The following CHSY3 variants were observed in gnomAD, a reference collection of about 807,000 sequenced individuals.
CHSY3 encodes the protein N-acetylgalactosaminyl-proteoglycan 3-beta-glucuronosyltransferase 3.
Under a neutral mutation model 67.2 loss-of-function variants are expected in CHSY3, and 35 were observed. The observed-to-expected ratio is 0.52, with a 90% CI of 0.40 to 0.69. The LOEUF (loss-of-function observed/expected upper bound fraction) is 0.69. CHSY3 is among the 30% of genes least tolerant of loss of function. The probability of loss-of-function intolerance (pLI) is 0.00; values close to 1 mark genes in which losing one functional copy is unlikely to be tolerated. For missense variants in CHSY3, 1,069 were observed against 1,138.5 expected (o/e 0.94, Z 0.88); for synonymous variants, 474 against 434.7 (o/e 1.09, Z -1.12).
intron 2 of CHSY3, among the ~76,000 whole-genome samples, chr5:129,949,070 A>G (rs1480321411): frequency 6.6e-6 from 1 of 152,198 alleles, no homozygotes; most frequent in African/African-American, 2.4e-5. Flanking sequence ...TGATAAAAGG[A>G]CTAGTCCAAC....
At chr5:130,134,550 T>G (rs1397409752) in intron 2 of CHSY3, among the ~76,000 whole-genome samples, 1 of 152,180 alleles carries the variant, frequency 6.6e-6, no homozygotes, top group East Asian at 1.9e-4. Context: ...AGGGACTTTA[T>G]CTCTTGAGAG....
intron 2 of CHSY3, among the ~76,000 whole-genome samples, chr5:130,181,886 G>C (rs888722014): frequency 4.6e-5 from 7 of 151,974 alleles, no homozygotes; most frequent in African/African-American, 1.7e-4. Context: ...TTCATTACAT[G>C]AATATACTAC....
At chr5:130,096,536 CAG>C (rs1767053920) in intron 2 of CHSY3, among the ~76,000 whole-genome samples, 1 of 152,124 alleles carries the variant, frequency 6.6e-6, no homozygotes, top group Admixed American at 6.5e-5. Flanking sequence ...AACATGTTAA[CAG>C]AGGGGAAGCT....
rs189493178 is a variant in CHSY3, at chr5:129,989,291, C to T, written c.1086+80931C>T. 1.7e-3 allele frequency among the ~76,000 whole-genome samples: 232 copies of T among 133,530 alleles called. 2 individuals carry two copies. In the East Asian group the frequency reaches 0.046, roughly 27 times the overall value. 87.6% of individuals were successfully genotyped at this position (133,530 alleles called of 152,430 possible). On this transcript the variant is annotated intron_variant, in intron 2 of 2. Coordinates refer to ENST00000305031, the MANE Select transcript of CHSY3 (RefSeq NM_175856.5). ...TTTTTTTTTTTTTGAGACAGAGTTT[C>T]GCTCTTGTTGCCCAGGCTGGAGTGC...
chr5:129,972,932 C>G (rs1050355689), intron 2 of CHSY3, among the ~76,000 whole-genome samples: 1 of 151,942 alleles, frequency 6.6e-6, no homozygotes, highest in African/African-American at 2.4e-5. Context: ...ACTGCCCTGT[C>G]CCTTCTTACT....
chr5:130,119,410 T>C lies in CHSY3; in HGVS notation c.1087-64819T>C, dbSNP rs143489920. Among the ~76,000 whole-genome samples, 632 of 152,284 alleles carry C rather than the reference T, an allele frequency of 4.2e-3. 7 individuals are homozygous for C. The highest frequency in any genetic ancestry group is 0.035 in the South Asian group (171 of 4,830). On this transcript the variant is annotated intron_variant, in intron 2 of 2. Transcript: ENST00000305031. ...CTGCTTGAGGAAGATAGAGATGTGC[T>C]AAACATCCTAACTGTTTCTTTGTAT... is the stretch of plus-strand genomic sequence containing the variant.
intron 2 of CHSY3, among the ~76,000 whole-genome samples, chr5:130,144,411 G>T (rs1003814626): frequency 6.6e-6 from 1 of 151,942 alleles, no homozygotes; most frequent in African/African-American, 2.4e-5. Flanking sequence ...ATTTACAATA[G>T]CTGCATAAAA....
chr5:129,977,665 T>C (rs1431156535), intron 2 of CHSY3, among the ~76,000 whole-genome samples: 2 of 152,284 alleles, frequency 1.3e-5, no homozygotes, highest in African/African-American at 2.4e-5. Context: ...AATTAAATAG[T>C]CTTTTATTTA....
intron 2 of CHSY3, among the ~76,000 whole-genome samples, chr5:129,991,888 A>G (rs1404983579): frequency 1.3e-5 from 2 of 152,138 alleles, no homozygotes; most frequent in Non-Finnish European, 2.9e-5. Context: ...AGGGAACATG[A>G]AGTTGCTTCT....
intron 2 of CHSY3, among the ~76,000 whole-genome samples, chr5:129,972,738 T>C (rs537605533): frequency 6.6e-6 from 1 of 152,136 alleles, no homozygotes; most frequent in South Asian, 2.1e-4. Context: ...ACCAGACCTA[T>C]AATAGGCAAG....
intron 2 of CHSY3, among the ~76,000 whole-genome samples, chr5:130,057,237 T>A (rs1580691846): frequency 6.6e-6 from 1 of 152,220 alleles, no homozygotes; most frequent in East Asian, 1.9e-4. Flanking sequence ...TTTTTAGCAT[T>A]TCTTTTTTTA....
intron 2 of CHSY3, among the ~76,000 whole-genome samples, chr5:129,984,610 C>G (rs573476200): frequency 6.6e-6 from 1 of 152,212 alleles, no homozygotes; most frequent in East Asian, 1.9e-4. Context: ...AACTGCTTTC[C>G]AAAGTGACTG....
intron 2 of CHSY3, among the ~76,000 whole-genome samples, chr5:129,921,866 G>T (rs571255961): frequency 1.3e-5 from 2 of 151,690 alleles, no homozygotes; most frequent in Non-Finnish European, 2.9e-5. Flanking sequence ...TCACTGTTTC[G>T]GTTATTTTAA....
intron 2 of CHSY3, among the ~76,000 whole-genome samples, chr5:130,118,265 T>A (rs981216315): frequency 1.3e-5 from 2 of 152,224 alleles, no homozygotes; most frequent in African/African-American, 2.4e-5. Flanking sequence ...AATTAGTAAC[T>A]AATATTTTAG....
rs376270738 is a variant in CHSY3 at position 130,088,591 on chromosome 5, C to T, written c.1087-95638C>T. Among the ~76,000 whole-genome samples the T allele has an allele frequency of 8.1e-4, 123 of 152,232 alleles. 1 individual carries two copies. The East Asian group carries it at 0.014, about 17-fold the overall frequency. On this transcript the variant is annotated intron_variant, in intron 2 of 2. Transcript: ENST00000305031. Reference sequence around the variant, plus strand: ...TGAACAGACACTTCTCAAAAGAAGACATTTATGCAGCCAAAAAACACATGA... The same window carrying T: ...TGAACAGACACTTCTCAAAAGAAGATATTTATGCAGCCAAAAAACACATGA...
intron 2 of CHSY3, among the ~76,000 whole-genome samples, chr5:129,962,409 A>C (rs752046870): frequency 1.3e-5 from 2 of 151,896 alleles, no homozygotes; most frequent in Non-Finnish European, 2.9e-5. Context: ...TAACACCCTC[A>C]TCTAGGCTGG....
intron 2 of CHSY3, among the ~76,000 whole-genome samples, chr5:130,167,229 C>T (rs1384575272): frequency 6.6e-6 from 1 of 151,930 alleles, no homozygotes; most frequent in East Asian, 1.9e-4. Flanking sequence ...TGGAAAAGTA[C>T]TGGAAGACAT....
At chr5:130,125,837 G>GT (rs754507827) in intron 2 of CHSY3, among the ~76,000 whole-genome samples, 12 of 152,132 alleles carry the variant, frequency 7.9e-5, no homozygotes, top group Non-Finnish European at 1.6e-4. Context: ...CCTGAATTTT[G>GT]TATTTTATGA....
At position 130,050,340 on chromosome 5, in the gene CHSY3, T is replaced by A. The variant is rs886069927; in HGVS notation, c.1087-133889T>A. Among the ~76,000 whole-genome samples, 8 of 152,138 alleles carry A rather than the reference T, an allele frequency of 5.3e-5. No homozygotes were observed. In the East Asian group the frequency reaches 1.5e-3, roughly 29 times the overall value. On this transcript the variant is annotated intron_variant, in intron 2 of 2. Coordinates refer to ENST00000305031, the MANE Select transcript of CHSY3 (RefSeq NM_175856.5). ...AATAACTTAAATTTCATTTGTGGTA[T>A]CTTTAAGCAATATGTTATTGATAAA...
Sources: allele counts gnomAD v4.1 joint callset (sites outside exome capture counted in the v4.1 genomes callset), GRCh38; gene constraint gnomAD v4.1.1; transcripts MANE v1.5; gene names NCBI Gene and HGNC (gene_info 2026-07-23, HGNC 2026-07-21).